The following ZNF697 variants were observed in gnomAD, a reference collection of about 807,000 sequenced individuals.
The protein encoded by ZNF697 is zinc finger protein 697.
Under a neutral mutation model 32.4 loss-of-function variants are expected in ZNF697, and 23 were observed. The ratio of observed to expected loss-of-function variants is 0.71; its 90% CI spans 0.51 to 1.01. The LOEUF (loss-of-function observed/expected upper bound fraction) is 1.01, where lower values mean the gene tolerates loss of function less well. ZNF697 is among the 50% of genes least tolerant of loss of function. The pLI, the probability that ZNF697 is intolerant of heterozygous loss-of-function variation, is 0.00. For missense variants in ZNF697, 930 were observed against 794.0 expected, an observed-to-expected ratio of 1.17 and a Z score of -2.06; for synonymous variants, 418 against 337.2, an observed-to-expected ratio of 1.24 and a Z score of -2.62.
At chr1:119,631,442 C>T (rs902434347) in intron 1 of ZNF697, among the ~76,000 whole-genome samples, 8 of 152,252 alleles carry the variant, frequency 5.3e-5, no homozygotes, top group African/African-American at 1.9e-4. Flanking sequence ...AGGTGTTCCC[C>T]TCCGCTGGCT....
chr1:119,632,684 T>C (rs1402005815), intron 1 of ZNF697, among the ~76,000 whole-genome samples: 1 of 152,162 alleles, frequency 6.6e-6, no homozygotes, highest in African/African-American at 2.4e-5. Context: ...TTATCACAAA[T>C]GCCAATCCTC....
At chr1:119,644,976 T>C (rs1649165030) in intron 1 of ZNF697, among the ~76,000 whole-genome samples, 1 of 152,250 alleles carries the variant, frequency 6.6e-6, no homozygotes, top group Non-Finnish European at 1.5e-5. Context: ...TGCACCTTCA[T>C]AATTGAATGG....
intron 1 of ZNF697, among the ~76,000 whole-genome samples, chr1:119,640,330 C>CA (rs1327174817): frequency 1.3e-5 from 2 of 152,158 alleles, no homozygotes; most frequent in Admixed American, 6.5e-5. Context: ...AGTGATTTGG[C>CA]AAAATCACAT....
At chr1:119,630,833 G>A (rs763799368) in intron 1 of ZNF697, among the ~76,000 whole-genome samples, 1 of 151,756 alleles carries the variant, frequency 6.6e-6, no homozygotes, top group Non-Finnish European at 1.5e-5. Context: ...ACCTTCCCCC[G>A]CACTCCAGCC....
intron 1 of ZNF697, among the ~76,000 whole-genome samples, chr1:119,645,815 A>C (rs771620530): frequency 6.6e-6 from 1 of 152,200 alleles, no homozygotes; most frequent in Non-Finnish European, 1.5e-5. Context: ...ATACAAAGAA[A>C]AGCCCATATG....
In ZNF697 at chr1:119,621,826, G is replaced by C. The variant is rs1461193959; in HGVS notation, c.*879C>G. ...CTACATCAAGGTGAGGTGGGAAAAGGAAAGTCACACATAGCTGTGATTGTT... is the reference window on the plus strand; with the variant it reads ...CTACATCAAGGTGAGGTGGGAAAAGCAAAGTCACACATAGCTGTGATTGTT... On this transcript the variant is annotated 3_prime_UTR_variant, in exon 3 of 3. Coordinates refer to ENST00000421812, the MANE Select transcript of ZNF697 (RefSeq NM_001080470.2). 6.6e-6 allele frequency: 1 copy of C among 151,632 alleles called. No individual in the cohort carries two copies. The highest frequency in any genetic ancestry group is 2.0e-4 in the East Asian group (1 of 5,122). The allele number at this position is 151,632 out of a possible 1,614,324, so 9.4% of individuals were successfully genotyped here.
intron 1 of ZNF697, among the ~76,000 whole-genome samples, chr1:119,639,120 G>A (rs1303144143): frequency 6.6e-6 from 1 of 152,152 alleles, no homozygotes; most frequent in Non-Finnish European, 1.5e-5. Flanking sequence ...AGCTCCTCCT[G>A]GCAGTGTCCA....
chr1:119,623,730 G>A lies in ZNF697; in HGVS notation c.613C>T (p.Leu205=). ...GESFSPGAAF[L]QHQRIHRLAE... ...AGGCGGTGAATGCGCTGGTGCTGCA[G>A]GAAGGCGGCGCCAGGACTGAAGCTC... The change falls in exon 3 of 3, where the codon CTG becomes TTG. Residue 205 remains leucine, a synonymous_variant. Coordinates refer to ENST00000421812, the MANE Select transcript of ZNF697 (RefSeq NM_001080470.2). 6.5e-7 allele frequency: 1 copy of A among 1,530,274 alleles called. No homozygotes were observed. Among genetic ancestry groups the A allele is most frequent in the Non-Finnish European group, 8.8e-7 (1 of 1,139,948 alleles). 94.8% of individuals were successfully genotyped at this position (1,530,274 alleles called of 1,614,324 possible).
intron 1 of ZNF697, among the ~76,000 whole-genome samples, chr1:119,629,787 C>G (rs1372194486): frequency 6.6e-6 from 1 of 152,198 alleles, no homozygotes; most frequent in Non-Finnish European, 1.5e-5. Context: ...TGGCCTTTGG[C>G]AAGTACAAAC....
At chr1:119,631,275 G>A (rs1431947056) in intron 1 of ZNF697, among the ~76,000 whole-genome samples, 2 of 152,254 alleles carry the variant, frequency 1.3e-5, no homozygotes, top group African/African-American at 4.8e-5. Flanking sequence ...GTGTCTCCTT[G>A]GAGCGGACCT....
Position 119,620,320 on chromosome 1 carries a change from T to C in ZNF697, c.*2385A>G, listed in dbSNP as rs1047467317. ...TGAACCCATTCTCTAAAGTTGCTGA[T>C]ATGTAGTATATTTGATGCAGACGAG... On this transcript the variant is annotated 3_prime_UTR_variant, in exon 3 of 3. Coordinates refer to ENST00000421812, the MANE Select transcript of ZNF697 (RefSeq NM_001080470.2). The C allele has an allele frequency of 1.3e-5, 2 of 152,522 alleles. No individual in the cohort carries two copies. The highest frequency in any genetic ancestry group is 2.9e-5 in the Non-Finnish European group (2 of 68,020). 9.4% of individuals were successfully genotyped at this position (152,522 alleles called of 1,614,324 possible).
At chr1:119,638,705 C>A (rs587740416) in intron 1 of ZNF697, among the ~76,000 whole-genome samples, 1 of 152,174 alleles carries the variant, frequency 6.6e-6, no homozygotes, top group Non-Finnish European at 1.5e-5. Flanking sequence ...AAAGACCTCA[C>A]AAATTTGAAC....
At position 119,623,757 on chromosome 1, in the gene ZNF697, C is replaced by G. The variant is rs1438552412; in HGVS notation, c.586G>C (p.Glu196Gln). 6.5e-7 allele frequency: 1 copy of G among 1,541,672 alleles called. No homozygotes were observed. The highest frequency in any genetic ancestry group is 2.4e-5 in the East Asian group (1 of 40,856). The part of the protein sequence containing the change: ...DAPTICPDCG[E>Q]SFSPGAAFLQ... Reference sequence around the variant, plus strand: ...AAGGCGGCGCCAGGACTGAAGCTCTCCCCGCAGTCGGGGCAGATGGTGGGC... The same window carrying G: ...AAGGCGGCGCCAGGACTGAAGCTCTGCCCGCAGTCGGGGCAGATGGTGGGC... The change falls in exon 3 of 3, where the codon GAG becomes CAG. Residue 196 changes from glutamate (E) to glutamine (Q), a missense_variant. Glu to Gln is a conservative substitution (Grantham distance 29). Coordinates refer to ENST00000421812, the MANE Select transcript of ZNF697 (RefSeq NM_001080470.2).
rs1477675724 is a variant in ZNF697 at position 119,623,301 on chromosome 1, C to T, written c.1042G>A (p.Ala348Thr). Reference sequence around the variant, plus strand: ...CCGCAGGCGAAGGGCCGCAGCGCCGCCGCCCCCGCGCCGCTGGCCGCCGCG... The same window carrying T: ...CCGCAGGCGAAGGGCCGCAGCGCCGTCGCCCCCGCGCCGCTGGCCGCCGCG... Reference protein sequence around the residue: ...AHAAASGAGAAALRPFACGEC... With the variant: ...AHAAASGAGATALRPFACGEC... The change falls in exon 3 of 3, where the codon GCG becomes ACG. Residue 348 changes from alanine (A) to threonine (T), a missense_variant. Transcript: ENST00000421812. The T allele has an allele frequency of 1.5e-6, 2 of 1,360,198 alleles. No homozygotes were observed. The highest frequency in any genetic ancestry group is 9.4e-7 in the Non-Finnish European group (1 of 1,060,852). The allele number at this position is 1,360,198 out of a possible 1,614,324, so 84.3% of individuals were successfully genotyped here.
In ZNF697 at chr1:119,622,417, T is replaced by A; in HGVS notation, c.*288A>T. 1 of 402,510 alleles carries A rather than the reference T, an allele frequency of 2.5e-6. No individual in the cohort carries two copies. The highest frequency in any genetic ancestry group is 4.2e-6 in the Non-Finnish European group (1 of 239,906). The allele number at this position is 402,510 out of a possible 1,614,324, so 24.9% of individuals were successfully genotyped here. A position where few individuals can be genotyped will look rare whatever the true frequency, so the allele number is the denominator to read the frequency against. On this transcript the variant is annotated 3_prime_UTR_variant, in exon 3 of 3. Coordinates refer to ENST00000421812, the MANE Select transcript of ZNF697 (RefSeq NM_001080470.2). ...GCCCACGAACTGCCCTTCCTCAAAG[T>A]GCCTGGTCCTCCAAGCTCTTCACCC...
chr1:119,626,940 A>C (rs923039735), intron 1 of ZNF697, among the ~76,000 whole-genome samples: 2 of 152,230 alleles, frequency 1.3e-5, no homozygotes, highest in African/African-American at 2.4e-5. Context: ...CACCAGAGAT[A>C]ATTGGTAACC....
At chr1:119,646,510 A>T (rs911277241) in intron 1 of ZNF697, among the ~76,000 whole-genome samples, 1 of 152,114 alleles carries the variant, frequency 6.6e-6, no homozygotes, top group Admixed American at 6.5e-5. Context: ...TCTCTCCCAA[A>T]GAAGCTAAGG....
intron 1 of ZNF697, among the ~76,000 whole-genome samples, chr1:119,647,441 C>T (rs1390161710): frequency 6.6e-6 from 1 of 152,182 alleles, no homozygotes; most frequent in Non-Finnish European, 1.5e-5. Flanking sequence ...ACCCACCCGT[C>T]CTTATTGTGT....
At chr1:119,645,020 A>C (rs1012274010) in intron 1 of ZNF697, among the ~76,000 whole-genome samples, 1 of 152,240 alleles carries the variant, frequency 6.6e-6, no homozygotes, top group Non-Finnish European at 1.5e-5. Flanking sequence ...GGACAATGAC[A>C]AAAATTGTTG....
Sources: gnomAD v4.1 joint callset for allele counts (sites outside exome capture counted in the v4.1 genomes callset) on GRCh38, gnomAD v4.1.1 for gene constraint, MANE v1.5 for transcripts, NCBI Gene and HGNC (gene_info 2026-07-23, HGNC 2026-07-21) for gene names.